AMBRA1: variants seen among roughly 807,000 people sequenced by gnomAD.
AMBRA1 encodes the protein activating molecule in BECN1-regulated autophagy protein 1.
Under a neutral mutation model 125.4 loss-of-function variants are expected in AMBRA1, and 47 were observed. That is an observed-to-expected ratio of 0.37 (90% CI 0.30 to 0.48). AMBRA1 has a LOEUF of 0.48. Among genes scored for constraint, AMBRA1 ranks in the 20% least tolerant of loss-of-function variants. The pLI, the probability that AMBRA1 is intolerant of heterozygous loss-of-function variation, is 0.99. For missense variants in AMBRA1, 1,331 were observed against 1,693.4 expected (o/e 0.79, Z 3.76); for synonymous variants, 626 against 655.5 (o/e 0.95, Z 0.69).
rs982218061 is a variant in AMBRA1, at chr11:46,532,160, T to C, written c.2072+9785A>G. On this transcript the variant is annotated intron_variant, in intron 7 of 17. Transcript: ENST00000683756. ...ATTAATTAATATAAAATTACTTTCT[T>C]ATGAAGAGGCAAGAGATGCCTGGAT... Among the ~76,000 whole-genome samples the C allele has an allele frequency of 2.6e-5, 4 of 152,196 alleles. No homozygotes were observed. In the East Asian group the frequency reaches 7.7e-4, roughly 29 times the overall value.
chr11:46,473,897 G>A (rs946605890), intron 11 of AMBRA1, among the ~76,000 whole-genome samples: 7 of 152,166 alleles, frequency 4.6e-5, no homozygotes, highest in Non-Finnish European at 7.3e-5. Context: ...TGATCGGCCC[G>A]CCTCAGCTTC....
chr11:46,524,755 C>A lies in AMBRA1; in HGVS notation c.2073-11942G>T, dbSNP rs546001893. ...CAAAATATCTGCAGGGAATATGATG[C>A]CCTCTGTCCACTCAAGTCACTATGC... On this transcript the variant is annotated intron_variant, in intron 7 of 17. Coordinates refer to ENST00000683756, the MANE Select transcript of AMBRA1 (RefSeq NM_001387011.1). Among the ~76,000 whole-genome samples the A allele has an allele frequency of 3.3e-5, 5 of 152,296 alleles. No individual in the cohort carries two copies. The East Asian group carries it at 9.6e-4, about 29-fold the overall frequency.
chr11:46,449,925 G>C (rs1948490060), intron 11 of AMBRA1, among the ~76,000 whole-genome samples: 1 of 152,104 alleles, frequency 6.6e-6, no homozygotes, highest in South Asian at 2.1e-4. Flanking sequence ...GGGGCGTGGT[G>C]GCGCATATCT....
chr11:46,558,062 T>G (rs2043210934), intron 1 of AMBRA1, among the ~76,000 whole-genome samples: 1 of 152,094 alleles, frequency 6.6e-6, no homozygotes, highest in Non-Finnish European at 1.5e-5. Context: ...TTCTTAGACC[T>G]TCTAACCTAG....
chr11:46,506,408 G>A (rs928172083), intron 9 of AMBRA1, among the ~76,000 whole-genome samples: 2 of 152,240 alleles, frequency 1.3e-5, no homozygotes, highest in Non-Finnish European at 2.9e-5. Flanking sequence ...CTAGTAGTGT[G>A]TTTAATGACA....
rs72912137 is a variant in AMBRA1 at position 46,534,614 on chromosome 11, G to A, written c.2072+7331C>T. Among the ~76,000 whole-genome samples, 231 of 152,304 alleles carry A rather than the reference G, an allele frequency of 1.5e-3. 1 individual carries two copies. Among genetic ancestry groups the A allele is most frequent in the Non-Finnish European group, 2.4e-3 (165 of 68,026 alleles). ...TCACAGTTTACAAGCCCAACTCTCA[G>A]CGTTATTAGGAAGAACCAAACTCAT... On this transcript the variant is annotated intron_variant, in intron 7 of 17. Coordinates refer to ENST00000683756, the MANE Select transcript of AMBRA1 (RefSeq NM_001387011.1).
intron 1 of AMBRA1, among the ~76,000 whole-genome samples, chr11:46,579,414 G>A (rs1437419107): frequency 4.0e-5 from 6 of 151,894 alleles, no homozygotes; most frequent in South Asian, 2.1e-4. Flanking sequence ...CCGAGATCAC[G>A]CCATTGCACT....
At position 46,542,208 on chromosome 11, in the gene AMBRA1, G is replaced by A. The variant is rs1234036206; in HGVS notation, c.1809C>T (p.Pro603=). 1 of 1,613,934 alleles carries A rather than the reference G, an allele frequency of 6.2e-7. No homozygotes were observed. Residue 603 remains proline, a synonymous_variant, in exon 7 of 18, where the codon CCC becomes CCT. Coordinates refer to ENST00000683756, the MANE Select transcript of AMBRA1 (RefSeq NM_001387011.1). This position sits in a 1 kb window ranked among gnomAD's most constrained non-coding sequence, Gnocchi z 5.9. ...SGEASSSWQV[P]SSFESVPSSG... is the part of the protein sequence containing the mutation. ...TTGATGGCACACTCTCAAAGGAGCT[G>A]GGGACCTGCCAAGAGGAACTAGCCT...
intron 7 of AMBRA1, among the ~76,000 whole-genome samples, chr11:46,518,599 G>A (rs1244268290): frequency 2.0e-5 from 3 of 152,060 alleles, no homozygotes; most frequent in Admixed American, 1.3e-4. Context: ...CAGAACTGAG[G>A]AATCCTGATA....
chr11:46,554,157 A>T (rs2043099067), intron 1 of AMBRA1, among the ~76,000 whole-genome samples: 1 of 152,220 alleles, frequency 6.6e-6, no homozygotes, highest in African/African-American at 2.4e-5. Flanking sequence ...CAGAAGAAAC[A>T]TCTTGAGAGT....
intron 17 of AMBRA1, among the ~76,000 whole-genome samples, chr11:46,402,102 C>A (rs929446341): frequency 6.6e-6 from 1 of 152,236 alleles, no homozygotes. Context: ...GAAGGGGATG[C>A]TCCTTCTCTG....
rs957005142 is a variant in AMBRA1, at chr11:46,428,731, G to A, written c.2976+4743C>T. Reference sequence around the variant, plus strand: ...CGGTTGCTGACCCAGCCCCAGCCTCGGCTTTCTTGTCGGCACCAGGTGGCA... The same window carrying A: ...CGGTTGCTGACCCAGCCCCAGCCTCAGCTTTCTTGTCGGCACCAGGTGGCA... On this transcript the variant is annotated intron_variant, in intron 14 of 17. Coordinates refer to ENST00000683756, the MANE Select transcript of AMBRA1 (RefSeq NM_001387011.1). 8.1e-5 allele frequency: 130 copies of A among 1,608,822 alleles called. 1 individual carries two copies. Among genetic ancestry groups the A allele is most frequent in the Non-Finnish European group, 1.0e-4 (122 of 1,179,660 alleles).
intron 14 of AMBRA1, chr11:46,429,209 G>C (rs187374375): frequency 4.4e-6 from 6 of 1,370,024 alleles, no homozygotes; most frequent in East Asian, 5.0e-5. Flanking sequence ...GACAATCTTC[G>C]CCTACCAGCG....
intron 1 of AMBRA1, among the ~76,000 whole-genome samples, chr11:46,566,596 G>T (rs543040548): frequency 2.6e-5 from 4 of 152,068 alleles, no homozygotes; most frequent in African/African-American, 9.7e-5. Context: ...CGGGACCCGG[G>T]GGGTGAGGAT....
At chr11:46,402,914 C>T (rs1403744054) in intron 17 of AMBRA1, among the ~76,000 whole-genome samples, 1 of 152,160 alleles carries the variant, frequency 6.6e-6, no homozygotes, top group Non-Finnish European at 1.5e-5. Context: ...AACTCTAAGC[C>T]AAGGCTAAGA....
At chr11:46,516,858 TA>T (rs1951513882) in intron 7 of AMBRA1, among the ~76,000 whole-genome samples, 1 of 152,154 alleles carries the variant, frequency 6.6e-6, no homozygotes, top group African/African-American at 2.4e-5. Flanking sequence ...TGACTTGACT[TA>T]ATCTATCACA....
chr11:46,577,308 A>T (rs2043991721), intron 1 of AMBRA1, among the ~76,000 whole-genome samples: 1 of 152,356 alleles, frequency 6.6e-6, no homozygotes. Flanking sequence ...AAATATTCCA[A>T]TGGAGATAAA....
chr11:46,452,659 T>C (rs1948667971), intron 11 of AMBRA1, among the ~76,000 whole-genome samples: 1 of 152,214 alleles, frequency 6.6e-6, no homozygotes, highest in African/African-American at 2.4e-5. Flanking sequence ...TTCATTCAAA[T>C]GCAGTCTTAA....
intron 14 of AMBRA1, among the ~76,000 whole-genome samples, chr11:46,431,480 G>A (rs1947454911): frequency 6.6e-6 from 1 of 152,196 alleles, no homozygotes; most frequent in South Asian, 2.1e-4. Context: ...CTTCTGCTTT[G>A]TAACTGTTTG....
Sources: gnomAD v4.1 joint callset for allele counts (sites outside exome capture counted in the v4.1 genomes callset) on GRCh38, gnomAD v4.1.1 for gene constraint, Gnocchi (gnomAD v3.1) non-coding constraint, MANE v1.5 for transcripts, NCBI Gene and HGNC (gene_info 2026-07-23, HGNC 2026-07-21) for gene names.